CLDN10: variants seen among roughly 807,000 people sequenced by gnomAD.
The protein encoded by CLDN10 is claudin-10.
Under a neutral mutation model 22.9 loss-of-function variants are expected in CLDN10, and 15 were observed. The ratio of observed to expected loss-of-function variants is 0.65; its 90% CI spans 0.44 to 1.01. CLDN10 has a LOEUF of 1.01. CLDN10 is among the 50% of genes least tolerant of loss of function. The probability of loss-of-function intolerance (pLI) is 0.00; values close to 1 mark genes in which losing one functional copy is unlikely to be tolerated. For missense variants in CLDN10, 247 were observed against 287.8 expected (o/e 0.86, Z 1.03); for synonymous variants, 114 against 111.4 (o/e 1.02, Z -0.15).
intron 1 of CLDN10, among the ~76,000 whole-genome samples, chr13:95,516,795 T>C (rs9525002): frequency 0.86 from 131,341 of 152,104 alleles, 56,907 homozygotes; most frequent in East Asian, 0.96. Flanking sequence ...GATCTTCATC[T>C]TTAATATAAG....
intron 1 of CLDN10, among the ~76,000 whole-genome samples, chr13:95,517,381 C>A (rs375072508): frequency 5.3e-5 from 8 of 152,238 alleles, no homozygotes; most frequent in African/African-American, 1.9e-4. Flanking sequence ...ACCTAGGGAT[C>A]CGGTGGTGGG....
At chr13:95,492,436 G>A (rs2042883186) in intron 1 of CLDN10, among the ~76,000 whole-genome samples, 1 of 152,066 alleles carries the variant, frequency 6.6e-6, no homozygotes, top group African/African-American at 2.4e-5. Context: ...CAGGTTGTCA[G>A]GGAAGTTGGG....
chr13:95,467,529 T>TGGGG (rs1555289388), intron 1 of CLDN10, among the ~76,000 whole-genome samples: 15 of 150,788 alleles, frequency 9.9e-5, no homozygotes, highest in African/African-American at 3.4e-4. Context: ...TTGTTTTTTT[T>TGGGG]GGGGGGGGCA....
intron 1 of CLDN10, among the ~76,000 whole-genome samples, chr13:95,467,487 A>C (rs7321862): frequency 0.33 from 49,520 of 151,780 alleles, 8,730 homozygotes; most frequent in Non-Finnish European, 0.39. Context: ...CCTTTTAAAT[A>C]TCTTTTAATC....
Position 95,496,133 on chromosome 13 carries a change from C to A in CLDN10, c.214+62086C>A, listed in dbSNP as rs557721109. Among the ~76,000 whole-genome samples the A allele has an allele frequency of 7.9e-5, 12 of 152,330 alleles. No individual in the cohort carries two copies. In the East Asian group the frequency reaches 2.1e-3, roughly 27 times the overall value. On this transcript the variant is annotated intron_variant, in intron 1 of 4. Coordinates refer to the CLDN10 transcript ENST00000376873. ...CCCTTTCTCAGGCTGTGTCTGCATT[C>A]TTCTCTCCTCTTTTCAACTACCAAA...
At chr13:95,488,626 C>T (rs7995104) in intron 1 of CLDN10, among the ~76,000 whole-genome samples, 83,205 of 151,862 alleles carry the variant, frequency 0.55, 23,686 homozygotes, top group African/African-American at 0.71. Context: ...TTTGGTTTTC[C>T]GTTCCTGAGT....
chr13:95,460,076 C>T (rs2042520356), intron 1 of CLDN10, among the ~76,000 whole-genome samples: 1 of 152,182 alleles, frequency 6.6e-6, no homozygotes, highest in Admixed American at 6.5e-5. Context: ...TGCTAAAGCA[C>T]AGCAAGAGTC....
chr13:95,579,164 A>C lies in CLDN10; in HGVS notation c.*1150A>C, dbSNP rs2043980034. The C allele has an allele frequency of 6.6e-6, 1 of 152,238 alleles. No individual in the cohort carries two copies. The highest frequency in any genetic ancestry group is 1.5e-5 in the Non-Finnish European group (1 of 68,048). The allele number at this position is 152,238 out of a possible 1,614,324, so 9.4% of individuals were successfully genotyped here. On this transcript the variant is annotated 3_prime_UTR_variant, in exon 5 of 5. Transcript: ENST00000299339. ...GCATAAATGGGTTAAGGACATCCCA[A>C]GCCCAAGTGGTACGTGCCTCACTCA...
chr13:95,526,009 C>A (rs2043277234), intron 1 of CLDN10, among the ~76,000 whole-genome samples: 1 of 152,050 alleles, frequency 6.6e-6, no homozygotes, highest in African/African-American at 2.4e-5. Flanking sequence ...TTCTCTTCTA[C>A]TTTCTAAGTC....
chr13:95,565,130 G>GA (rs202000245), intron 3 of CLDN10, among the ~76,000 whole-genome samples: 45,438 of 146,194 alleles, frequency 0.31, 7,125 homozygotes, highest in Non-Finnish European at 0.36. Context: ...TAACAAATCT[G>GA]AAAAAAAAAA....
chr13:95,449,214 C>A lies in CLDN10; in HGVS notation c.214+15167C>A, dbSNP rs146086229. On this transcript the variant is annotated intron_variant, in intron 1 of 4. Coordinates refer to the CLDN10 transcript ENST00000376873. ...GGACTGCTGCTACTAGCTTTACTAC[C>A]GACCTAGTGACTTAAACTCTGTCTG... Among the ~76,000 whole-genome samples, 17 of 152,220 alleles carry A rather than the reference C, an allele frequency of 1.1e-4. No individual in the cohort carries two copies. In the East Asian group the frequency reaches 2.5e-3, roughly 22 times the overall value.
At chr13:95,528,366 T>A (rs567152098) in intron 1 of CLDN10, 1 of 152,428 alleles carries the variant, frequency 6.6e-6, no homozygotes, top group East Asian at 1.9e-4. Context: ...CCACCATGAA[T>A]GAGAGGCCTC....
At chr13:95,449,177 G>A (rs1257377440) in intron 1 of CLDN10, among the ~76,000 whole-genome samples, 1 of 152,142 alleles carries the variant, frequency 6.6e-6, no homozygotes, top group South Asian at 2.1e-4. Context: ...CTGATGTCCT[G>A]TTGGAATCCC....
chr13:95,513,829 C>T (rs535695598), intron 1 of CLDN10, among the ~76,000 whole-genome samples: 1 of 152,222 alleles, frequency 6.6e-6, no homozygotes, highest in Non-Finnish European at 1.5e-5. Flanking sequence ...AGTGTAGAAA[C>T]AAATATATAA....
At chr13:95,525,109 C>G (rs1308370758) in intron 1 of CLDN10, among the ~76,000 whole-genome samples, 1 of 152,116 alleles carries the variant, frequency 6.6e-6, no homozygotes, top group African/African-American at 2.4e-5. Context: ...TTGCCCGCCT[C>G]GGCCTCCCAA....
upstream of CLDN10, among the ~76,000 whole-genome samples, chr13:95,550,952 T>C (rs146454623): frequency 0.014 from 2,127 of 150,682 alleles, 47 homozygotes; most frequent in African/African-American, 0.049. Flanking sequence ...GGATTACAGG[T>C]GTGAGCCACT....
intron 1 of CLDN10, among the ~76,000 whole-genome samples, chr13:95,473,215 C>G (rs542544106): frequency 2.8e-4 from 42 of 148,868 alleles, no homozygotes; most frequent in Non-Finnish European, 4.3e-4. Flanking sequence ...CTCCCTAGAA[C>G]TTCCGTGTGT....
intron 1 of CLDN10, among the ~76,000 whole-genome samples, chr13:95,477,080 G>C (rs1245402345): frequency 6.6e-6 from 1 of 152,106 alleles, no homozygotes; most frequent in East Asian, 1.9e-4. Context: ...TTCAGCTTTG[G>C]TGAGGCCAAT....
At chr13:95,554,617 T>C (rs1218298586) in intron 1 of CLDN10, among the ~76,000 whole-genome samples, 1 of 152,174 alleles carries the variant, frequency 6.6e-6, no homozygotes, top group East Asian at 1.9e-4. Flanking sequence ...ATGGCCTTCC[T>C]GTGTGCTCAT....
Sources: gnomAD v4.1 joint callset for allele counts (sites outside exome capture counted in the v4.1 genomes callset) on GRCh38, gnomAD v4.1.1 for gene constraint, MANE v1.5 for transcripts, NCBI Gene and HGNC (gene_info 2026-07-23, HGNC 2026-07-21) for gene names.